The following AIG1 variants were observed in gnomAD, a reference collection of about 807,000 sequenced individuals.
The protein encoded by AIG1 is androgen induced 1, also known as androgen-induced gene 1 protein.
Under a neutral mutation model 31.4 loss-of-function variants are expected in AIG1, and 23 were observed. The ratio of observed to expected loss-of-function variants is 0.73; its 90% CI spans 0.53 to 1.04. The LOEUF is 1.04. AIG1 is among the 50% of genes least tolerant of loss of function. The pLI, the probability that AIG1 is intolerant of heterozygous loss-of-function variation, is 0.00. For missense variants in AIG1, 274 were observed against 295.0 expected (o/e 0.93, Z 0.52); for synonymous variants, 100 against 110.5 (o/e 0.90, Z 0.60).
In AIG1 at chr6:143,325,241, A is replaced by C. The variant is rs907746182; in HGVS notation, c.516-8041A>C. ...GCCCATCTTTCTTGATCTCCTTTTT[A>C]GGCTCATCATCCTTGACCTTATCCC... On this transcript the variant is annotated intron_variant, in intron 4 of 5. Coordinates refer to ENST00000357847, the MANE Select transcript of AIG1 (RefSeq NM_016108.4). This position sits in a 1 kb window ranked among gnomAD's most constrained non-coding sequence, Gnocchi z 4.3. Among the ~76,000 whole-genome samples, 7 of 152,078 alleles carry C rather than the reference A, an allele frequency of 4.6e-5. No individual in the cohort carries two copies. Among genetic ancestry groups the C allele is most frequent in the Non-Finnish European group, 7.4e-5 (5 of 68,006 alleles).
At position 143,335,120 on chromosome 6, in the gene AIG1, G is replaced by GT. The variant is rs529356052; in HGVS notation, c.679+1676dup. On this transcript the variant is annotated intron_variant, in intron 5 of 5. Transcript: ENST00000357847. ...CACAAAGACAGATGTTTTGTGCCAA[G>GT]TAAGTATCATCCTCATTTACAAGAG... 3.0e-5 allele frequency: 43 copies of GT among 1,428,034 alleles called. No individual in the cohort carries two copies. In the East Asian group the frequency reaches 1.1e-3, roughly 35 times the overall value. The allele number at this position is 1,428,034 out of a possible 1,614,324, so 88.5% of individuals were successfully genotyped here.
At chr6:143,099,627 T>C (rs1408173995) in intron 1 of AIG1, 1 of 152,162 alleles carries the variant, frequency 6.6e-6, no homozygotes, top group African/African-American at 2.4e-5. Context: ...ATTGTGTTGG[T>C]TAGTTTTGCT....
chr6:143,099,747 T>C (rs890627613), intron 1 of AIG1: 4 of 152,220 alleles, frequency 2.6e-5, no homozygotes, highest in Non-Finnish European at 5.9e-5. Context: ...CATTGTGATA[T>C]CATTTACATG....
At chr6:143,195,994 T>C (rs1031340908) in intron 3 of AIG1, among the ~76,000 whole-genome samples, 10 of 152,238 alleles carry the variant, frequency 6.6e-5, no homozygotes, top group African/African-American at 2.4e-4. Flanking sequence ...GAGGGACAGA[T>C]GATTTTCCCC....
intron 1 of AIG1, among the ~76,000 whole-genome samples, chr6:143,106,140 C>T (rs1183301171): frequency 6.6e-6 from 1 of 152,136 alleles, no homozygotes; most frequent in Non-Finnish European, 1.5e-5. Context: ...GGCCCTGAAT[C>T]TGATGTGACT....
At chr6:143,131,672 A>G (rs1461463282) in intron 1 of AIG1, among the ~76,000 whole-genome samples, 1 of 152,226 alleles carries the variant, frequency 6.6e-6, no homozygotes, top group African/African-American at 2.4e-5. Flanking sequence ...TCTTAGTCTC[A>G]CAATGTCAAG....
At chr6:143,311,901 T>C (rs927211980) in intron 4 of AIG1, among the ~76,000 whole-genome samples, 3 of 152,030 alleles carry the variant, frequency 2.0e-5, no homozygotes, top group Non-Finnish European at 4.4e-5. Context: ...ATCAGTAGCA[T>C]TTCAATATGC....
At chr6:143,177,273 AT>A in intron 3 of AIG1, among the ~76,000 whole-genome samples, 1 of 151,636 alleles carries the variant, frequency 6.6e-6, no homozygotes, top group African/African-American at 2.4e-5. Context: ...GTTATTTTGC[AT>A]TTTTTCAGGT....
chr6:143,335,113 G>A, intron 5 of AIG1: 1 of 1,430,108 alleles, frequency 7.0e-7, no homozygotes, highest in Non-Finnish European at 9.2e-7. Context: ...CAGATGTTTT[G>A]TGCCAAGTAA....
At chr6:143,257,173 G>A (rs1023520652) in intron 3 of AIG1, among the ~76,000 whole-genome samples, 11 of 152,162 alleles carry the variant, frequency 7.2e-5, no homozygotes, top group African/African-American at 2.4e-4. Flanking sequence ...CACTGCCTCC[G>A]TCCATGCCCG....
intron 3 of AIG1, among the ~76,000 whole-genome samples, chr6:143,254,897 A>G (rs117973449): frequency 0.01 from 1,566 of 152,196 alleles, 44 homozygotes; most frequent in East Asian, 0.065. Flanking sequence ...GGTGTGTGGT[A>G]GTGGGACTAC....
intron 1 of AIG1, among the ~76,000 whole-genome samples, chr6:143,063,537 A>G (rs919370346): frequency 6.6e-6 from 1 of 152,250 alleles, no homozygotes; most frequent in Non-Finnish European, 1.5e-5. Flanking sequence ...CCAACCTGTC[A>G]ATCCTCAGTA....
intron 1 of AIG1, among the ~76,000 whole-genome samples, chr6:143,107,194 G>A (rs1780881274): frequency 6.6e-6 from 1 of 152,120 alleles, no homozygotes; most frequent in African/African-American, 2.4e-5. Context: ...ACTGTTTTAG[G>A]AAAGCCTTCA....
At chr6:143,307,527 C>T (rs991279759) in intron 4 of AIG1, among the ~76,000 whole-genome samples, 25 of 152,170 alleles carry the variant, frequency 1.6e-4, no homozygotes, top group East Asian at 1.9e-4. Flanking sequence ...TTTCGTGAAC[C>T]GCGAATGCTG....
chr6:143,198,135 T>C (rs1485824795), intron 3 of AIG1, among the ~76,000 whole-genome samples: 1 of 152,256 alleles, frequency 6.6e-6, no homozygotes, highest in Admixed American at 6.5e-5. Context: ...TGGATACTTC[T>C]GTGTACCAAG....
chr6:143,287,572 A>G (rs1303606849), intron 4 of AIG1, among the ~76,000 whole-genome samples: 1 of 152,118 alleles, frequency 6.6e-6, no homozygotes. Flanking sequence ...GAAGAAATAC[A>G]TAAGAACCAG....
intron 3 of AIG1, among the ~76,000 whole-genome samples, chr6:143,192,330 C>A (rs1789861633): frequency 6.6e-6 from 1 of 152,198 alleles, no homozygotes; most frequent in African/African-American, 2.4e-5. Context: ...CTAGGCCAGG[C>A]ATGGTGGCTC....
intron 3 of AIG1, among the ~76,000 whole-genome samples, chr6:143,221,890 G>A (rs528065510): frequency 2.6e-5 from 4 of 152,302 alleles, no homozygotes; most frequent in Middle Eastern, 3.4e-3. Flanking sequence ...TCACAGTGGA[G>A]CATGCAGTTT....
chr6:143,278,087 C>G (rs1027130427), intron 3 of AIG1, among the ~76,000 whole-genome samples: 2 of 152,212 alleles, frequency 1.3e-5, no homozygotes, highest in Non-Finnish European at 2.9e-5. Flanking sequence ...CAAAATTTTC[C>G]CCAGGAGCCA....
Sources: allele counts gnomAD v4.1 joint callset (sites outside exome capture counted in the v4.1 genomes callset), GRCh38; gene constraint gnomAD v4.1.1; non-coding constraint Gnocchi (gnomAD v3.1); transcripts MANE v1.5; gene names NCBI Gene and HGNC (gene_info 2026-07-23, HGNC 2026-07-21).